The following ADGRB1 variants were observed in gnomAD, a reference collection of about 807,000 sequenced individuals.
ADGRB1 encodes the protein brain-specific angiogenesis inhibitor 1.
ADGRB1 carries 36 observed loss-of-function variants against 175.7 expected under a neutral mutation model. The observed-to-expected ratio is 0.20, with a 90% confidence interval of 0.16 to 0.27. The LOEUF (loss-of-function observed/expected upper bound fraction) is 0.27, where lower values mean the gene tolerates loss of function less well. Ranked by LOEUF, ADGRB1 falls within the 10% of genes least tolerant of loss-of-function variation. The pLI is 1.00. For missense variants in ADGRB1, 1,731 were observed against 2,255.3 expected, an observed-to-expected ratio of 0.77 and a Z score of 4.71; for synonymous variants, 1,054 against 979.4, an observed-to-expected ratio of 1.08 and a Z score of -1.42.
At chr8:142,477,338 G>A (rs766208880) in intron 5 of ADGRB1, 47 bp from the exon 6 acceptor site, 16 of 1,590,894 alleles carry the variant, frequency 1.0e-5, no homozygotes, top group African/African-American at 4.0e-5. Context: ...CCAGGGCAGC[G>A]GGGGCGGTGG....
intron 19 of ADGRB1, 129 bp from the exon 20 acceptor site, chr8:142,520,694 G>C (rs1843788186): frequency 2.9e-6 from 2 of 698,048 alleles, no homozygotes; most frequent in South Asian, 3.0e-5. Flanking sequence ...TGGTCATGGT[G>C]GTGGTGCTGT....
intron 19 of ADGRB1, among the ~76,000 whole-genome samples, chr8:142,519,025 C>T (rs1227252945): frequency 1.3e-5 from 2 of 152,058 alleles, no homozygotes; most frequent in African/African-American, 2.4e-5. Flanking sequence ...CCGAGCTTTC[C>T]CGGAGACAGT....
intron 2 of ADGRB1, among the ~76,000 whole-genome samples, chr8:142,468,948 A>G (rs1486315468): frequency 6.6e-6 from 1 of 152,270 alleles, no homozygotes; most frequent in Non-Finnish European, 1.5e-5. Flanking sequence ...CAACGTGTAG[A>G]ACAGTACCTG....
At chr8:142,451,707 C>G (rs1186482909) in intron 1 of ADGRB1, among the ~76,000 whole-genome samples, 1 of 152,128 alleles carries the variant, frequency 6.6e-6, no homozygotes, top group Non-Finnish European at 1.5e-5. Context: ...CAGCAGAGGC[C>G]GCGCGGGCGG....
chr8:142,541,833 G>A, intron 27 of ADGRB1, 108 bp from the exon 28 acceptor site: 3 of 1,196,778 alleles, frequency 2.5e-6, no homozygotes, highest in Non-Finnish European at 3.4e-6. Flanking sequence ...GGTCTCCCAG[G>A]AGGTGGCGGC....
At chr8:142,461,014 G>C (rs894468512) in intron 1 of ADGRB1, among the ~76,000 whole-genome samples, 1 of 152,238 alleles carries the variant, frequency 6.6e-6, no homozygotes, top group African/African-American at 2.4e-5. Context: ...CGTGGAGTCA[G>C]CTGGTGACAA....
chr8:142,456,087 A>G (rs920629506), intron 1 of ADGRB1, among the ~76,000 whole-genome samples: 1 of 152,028 alleles, frequency 6.6e-6, no homozygotes, highest in African/African-American at 2.4e-5. Context: ...CCCCGGGGAA[A>G]AGGAATGCGA....
chr8:142,481,819 AC>A, intron 11 of ADGRB1, 108 bp downstream of exon 11: 1 of 1,001,224 alleles, frequency 1.0e-6, no homozygotes, highest in Non-Finnish European at 1.4e-6. Flanking sequence ...CCAGGCCCTA[AC>A]CCATGTCATA....
intron 1 of ADGRB1, among the ~76,000 whole-genome samples, chr8:142,460,461 C>T (rs868671548): frequency 1.3e-5 from 2 of 152,178 alleles, no homozygotes; most frequent in Non-Finnish European, 2.9e-5. Context: ...AAGGCCTGGG[C>T]GGGGAGCAGC....
rs1840176902 is a variant in ADGRB1, at chr8:142,464,891, C to T, written c.693C>T (p.Arg231=). The change falls in exon 2 of 31, where the codon CGC becomes CGT. Residue 231 remains arginine (R), a synonymous_variant. Transcript: ENST00000517894. ...GGPAAGPLAP[R]GDVCLRDAVA... is the part of the protein sequence containing the mutation. ...CTGCCGCGGGACCCCTGGCCCCCCG[C>T]GGGGATGTCTGCTTGAGAGATGCGG... is the stretch of plus-strand genomic sequence containing the variant. 1 of 1,525,940 alleles carries T rather than the reference C, an allele frequency of 6.6e-7. No individual in the cohort carries two copies. The highest frequency in any genetic ancestry group is 8.8e-7 in the Non-Finnish European group (1 of 1,141,940). The allele number at this position is 1,525,940 out of a possible 1,614,324, so 94.5% of individuals were successfully genotyped here. A position where few individuals can be genotyped will look rare whatever the true frequency, so the allele number is the denominator to read the frequency against.
chr8:142,520,548 ATGGTGATG>A (rs1843772922), intron 19 of ADGRB1, among the ~76,000 whole-genome samples: 1 of 96,764 alleles, frequency 1.0e-5, no homozygotes, highest in Admixed American at 1.0e-4. Context: ...TTGTGTGATG[ATGGTGATG>A]ATGGTGATGG....
chr8:142,520,981 G>A, intron 20 of ADGRB1, 56 bp downstream of exon 20: 1 of 1,530,136 alleles, frequency 6.5e-7, no homozygotes, highest in Non-Finnish European at 9.0e-7. Flanking sequence ...TGGTGAGGAT[G>A]GACCCCAGGA....
chr8:142,460,611 G>T (rs1307030845), intron 1 of ADGRB1, among the ~76,000 whole-genome samples: 1 of 152,166 alleles, frequency 6.6e-6, no homozygotes, highest in Admixed American at 6.5e-5. Context: ...GAATCCCAGG[G>T]ATGGACACTT....
At chr8:142,452,880 AG>A (rs1483427303) in intron 1 of ADGRB1, among the ~76,000 whole-genome samples, 1 of 149,768 alleles carries the variant, frequency 6.7e-6, no homozygotes, top group Non-Finnish European at 1.5e-5. Flanking sequence ...CAGTGGCGGA[AG>A]GCGGAGGGCC....
Position 142,474,774 on chromosome 8 carries a change from G to A in ADGRB1, c.785-700G>A, listed in dbSNP as rs964701932. On this transcript the variant is annotated intron_variant, in intron 2 of 30. Transcript: ENST00000517894. The surrounding 1 kb of genome is among the most constrained non-coding windows in gnomAD (Gnocchi z 5.8). ...ACTCACTAGAGAAGCTGAACAGAGCGGCCGGGGTCAGGGCAGGGGCGTGGC... is the reference window on the plus strand; with the variant it reads ...ACTCACTAGAGAAGCTGAACAGAGCAGCCGGGGTCAGGGCAGGGGCGTGGC... Among the ~76,000 whole-genome samples, 12 of 152,288 alleles carry A rather than the reference G, an allele frequency of 7.9e-5. No individual in the cohort carries two copies. In the South Asian group the frequency reaches 1.9e-3, roughly 24 times the overall value.
rs538914985 is a variant in ADGRB1, at chr8:142,495,709, T to C, written c.2675+4894T>C. ...GTATCTCTGTACTTTCCTCTTCTTG[T>C]AAGGACCCCAATAATGGATCTGTGC... On this transcript the variant is annotated intron_variant, in intron 17 of 30. Coordinates refer to ENST00000517894, the MANE Select transcript of ADGRB1 (RefSeq NM_001702.3). Among the ~76,000 whole-genome samples, 23 of 152,130 alleles carry C rather than the reference T, an allele frequency of 1.5e-4. No homozygotes were observed. The East Asian group carries it at 3.9e-3, about 26-fold the overall frequency.
chr8:142,469,199 ATG>A (rs1384425322), intron 2 of ADGRB1, among the ~76,000 whole-genome samples: 3 of 148,504 alleles, frequency 2.0e-5, no homozygotes, highest in Admixed American at 2.0e-4. Context: ...GCACATGTGC[ATG>A]TGTGAATGTG....
At chr8:142,452,081 G>A (rs553884868) in intron 1 of ADGRB1, among the ~76,000 whole-genome samples, 8 of 152,308 alleles carry the variant, frequency 5.3e-5, no homozygotes, top group African/African-American at 1.7e-4. Flanking sequence ...GCCCGCGCCC[G>A]GTCCCCGGAG....
rs757192816 is a variant in ADGRB1 at position 142,539,382 on chromosome 8, C to T, written c.3675C>T (p.Phe1225=). 1.9e-4 allele frequency: 305 copies of T among 1,594,124 alleles called. 1 individual carries two copies. Among genetic ancestry groups the T allele is most frequent in the Non-Finnish European group, 1.8e-4 (211 of 1,171,304 alleles). The change falls in exon 27 of 31, where the codon TTC becomes TTT. Residue 1225 remains phenylalanine, a synonymous_variant. Transcript: ENST00000517894. ...QNGHAQLMTD[F]EKDVDLACRS... ...TTGTCTCTGTCCTACAGACCGACTTCGAGAAGGACGTGGATCTGGCCTGTA... is the reference window on the plus strand; with the variant it reads ...TTGTCTCTGTCCTACAGACCGACTTTGAGAAGGACGTGGATCTGGCCTGTA...
Sources: allele counts gnomAD v4.1 joint callset (sites outside exome capture counted in the v4.1 genomes callset), GRCh38; gene constraint gnomAD v4.1.1; non-coding constraint Gnocchi (gnomAD v3.1); transcripts MANE v1.5; gene names NCBI Gene and HGNC (gene_info 2026-07-23, HGNC 2026-07-21).